The following ERI1 variants were observed in gnomAD, a reference collection of about 807,000 sequenced individuals.
The protein encoded by ERI1 is 3'-5' exoribonuclease 1.
ERI1 carries 39 observed loss-of-function variants against 39.7 expected under a neutral mutation model. The observed-to-expected ratio is 0.98, with a 90% CI of 0.76 to 1.28. ERI1 has a LOEUF of 1.28. Ranked by LOEUF, ERI1 falls within the 50% of genes most tolerant of loss-of-function variation. The pLI is 0.00. For missense variants in ERI1, 581 were observed against 416.9 expected (o/e 1.39, Z -3.43); for synonymous variants, 204 against 149.6 (o/e 1.36, Z -2.65).
At position 9,031,184 on chromosome 8, in the gene ERI1, T is replaced by C. The variant is rs987360904; in HGVS notation, c.*1150T>C. ...CCTGCCTTTTACCTTTTAATAAAAA[T>C]TGTGATGCTACTTTATTCTAAAGAT... On this transcript the variant is annotated 3_prime_UTR_variant, in exon 7 of 7. Transcript: ENST00000250263. 6.6e-6 allele frequency: 1 copy of C among 152,202 alleles called. No homozygotes were observed. The highest frequency in any genetic ancestry group is 1.5e-5 in the Non-Finnish European group (1 of 68,032). 9.4% of individuals were successfully genotyped at this position (152,202 alleles called of 1,614,324 possible).
chr8:9,006,077 A>T (rs932354281), intron 1 of ERI1, among the ~76,000 whole-genome samples: 1 of 152,228 alleles, frequency 6.6e-6, no homozygotes, highest in African/African-American at 2.4e-5. Flanking sequence ...GCTGATGCAA[A>T]TGTAAGTATG....
intron 3 of ERI1, among the ~76,000 whole-genome samples, chr8:9,091,859 A>G (rs902243558): frequency 3.3e-5 from 5 of 152,214 alleles, no homozygotes; most frequent in African/African-American, 1.2e-4. Flanking sequence ...AGAGACAGAC[A>G]TTCCTAAATG....
rs570543239 is a variant in ERI1 at position 9,079,701 on chromosome 8, G to A, written n.300-36647G>A. On this transcript the variant is annotated intron_variant and non_coding_transcript_variant, in intron 3 of 3. Coordinates refer to the ERI1 transcript ENST00000518663. ...CAGGTTTGTTTGTTTTTTGAGACAG[G>A]GTCTCACTGTCATCCAGGCTGGAGT... Among the ~76,000 whole-genome samples, 326 of 152,130 alleles carry A rather than the reference G, an allele frequency of 2.1e-3. 1 individual carries two copies. The highest frequency in any genetic ancestry group is 7.4e-3 in the African/African-American group (306 of 41,502).
chr8:9,013,460 G>A (rs28439491), intron 3 of ERI1, among the ~76,000 whole-genome samples: 1 of 151,370 alleles, frequency 6.6e-6, no homozygotes, highest in Non-Finnish European at 1.5e-5. Flanking sequence ...AGTTTTCTTT[G>A]CTGGTTCCTC....
rs181704396 is a variant in ERI1 at position 9,021,815 on chromosome 8, C to T, written c.807+1351C>T. The stretch of plus-strand genomic sequence containing the variant: ...CAATATTATGCTTGAGATCCATCCA[C>T]GTCTTGTATGTCACTGCAGTTCATT... On this transcript the variant is annotated intron_variant, in intron 6 of 6. Transcript: ENST00000250263. Among the ~76,000 whole-genome samples, 28 of 141,756 alleles carry T rather than the reference C, an allele frequency of 2.0e-4. 1 individual carries two copies. Among genetic ancestry groups the T allele is most frequent in the Admixed American group, 1.1e-3 (16 of 14,004 alleles). The allele number at this position is 141,756 out of a possible 152,430, so 93.0% of individuals were successfully genotyped here.
chr8:9,015,270 ATCT>A (rs1411104339), intron 3 of ERI1, among the ~76,000 whole-genome samples: 22 of 152,292 alleles, frequency 1.4e-4, no homozygotes, highest in African/African-American at 5.3e-4. Context: ...TAATTTTTAA[ATCT>A]TCTGCCATGA....
intron 2 of ERI1, 47 bp downstream of exon 2, chr8:9,008,195 T>A (rs1585185437): frequency 7.1e-7 from 1 of 1,401,444 alleles, no homozygotes; most frequent in East Asian, 2.6e-5. Flanking sequence ...ACATGCTCAT[T>A]TTAGAAAATC....
chr8:9,077,537 A>G (rs1238653328), intron 3 of ERI1, among the ~76,000 whole-genome samples: 1 of 152,098 alleles, frequency 6.6e-6, no homozygotes, highest in Admixed American at 6.6e-5. Context: ...GGGCTCCTGG[A>G]GGGTGGTGGT....
Position 9,029,811 on chromosome 8 carries a change from A to C in ERI1, c.827A>C (p.Lys276Thr), listed in dbSNP as rs948971149. The change falls in exon 7 of 7, where the codon AAA becomes ACA. Residue 276 changes from lysine to threonine, a missense_variant. Coordinates refer to ENST00000250263, the MANE Select transcript of ERI1 (RefSeq NM_153332.4). Reference protein sequence around the residue: ...NFYKVPRSQTKLTIMLEKLGM... With the variant: ...NFYKVPRSQTTLTIMLEKLGM... The stretch of plus-strand genomic sequence containing the variant: ...TTTCAGGTTCCTAGAAGCCAAACCA[A>C]ACTGACAATAATGCTTGAAAAATTA... The C allele has an allele frequency of 2.5e-6, 4 of 1,614,072 alleles. No individual in the cohort carries two copies. The African/African-American group carries it at 4.0e-5, about 16-fold the overall frequency.
chr8:9,054,627 C>T (rs77798313), intron 3 of ERI1, among the ~76,000 whole-genome samples: 6,913 of 152,326 alleles, frequency 0.045, 201 homozygotes, highest in East Asian at 0.16. Context: ...GGGACAGCCA[C>T]GTAGAAACGT....
At chr8:9,087,807 G>A (rs568599547) in intron 3 of ERI1, among the ~76,000 whole-genome samples, 12 of 152,274 alleles carry the variant, frequency 7.9e-5, no homozygotes, top group Middle Eastern at 3.4e-3. Context: ...AGAGGGAAAG[G>A]GGCAGATTCA....
Position 9,007,993 on chromosome 8 carries a change from T to C in ERI1, c.132T>C (p.Asp44=). 1 of 1,505,796 alleles carries C rather than the reference T, an allele frequency of 6.6e-7. No homozygotes were observed. The allele number at this position is 1,505,796 out of a possible 1,614,324, so 93.3% of individuals were successfully genotyped here. A position where few individuals can be genotyped will look rare whatever the true frequency, so the allele number is the denominator to read the frequency against. The stretch of plus-strand genomic sequence containing the variant: ...AGGAAACTCAACAGTGTAAATTTGA[T>C]GGCCAGGAGACAAAAGGATCCAAGT... The part of the protein sequence containing the change: ...SPEETQQCKF[D]GQETKGSKFI... The change falls in exon 2 of 7, where the codon GAT becomes GAC. Residue 44 remains aspartate (D), a synonymous_variant. Transcript: ENST00000250263.
At chr8:9,066,216 T>A (rs1798873954) in intron 3 of ERI1, among the ~76,000 whole-genome samples, 1 of 152,254 alleles carries the variant, frequency 6.6e-6, no homozygotes, top group East Asian at 1.9e-4. Flanking sequence ...CAGCCTCATC[T>A]CCCCATTTTC....
intron 6 of ERI1, among the ~76,000 whole-genome samples, chr8:9,029,550 C>A (rs1368554696): frequency 6.6e-6 from 1 of 152,100 alleles, no homozygotes; most frequent in East Asian, 1.9e-4. Flanking sequence ...AGGCTGGTCT[C>A]ATACTCCTGA....
chr8:9,084,522 T>G (rs1169852680), intron 3 of ERI1, among the ~76,000 whole-genome samples: 1 of 152,150 alleles, frequency 6.6e-6, no homozygotes, highest in Non-Finnish European at 1.5e-5. Flanking sequence ...CAGCCTCCCT[T>G]AACTCCACAG....
intron 3 of ERI1, among the ~76,000 whole-genome samples, chr8:9,042,676 T>C (rs548216672): frequency 3.3e-5 from 5 of 152,310 alleles, no homozygotes; most frequent in South Asian, 2.1e-4. Context: ...GGAAGTGTTA[T>C]GCTTTGAGGA....
intron 3 of ERI1, among the ~76,000 whole-genome samples, chr8:9,046,104 T>C (rs935507225): frequency 1.3e-5 from 2 of 152,174 alleles, no homozygotes; most frequent in Non-Finnish European, 2.9e-5. Flanking sequence ...TTCCCACAGG[T>C]AACTGTGATC....
intron 2 of ERI1, among the ~76,000 whole-genome samples, chr8:9,008,683 A>G (rs1055174520): frequency 6.6e-6 from 1 of 152,210 alleles, no homozygotes; most frequent in African/African-American, 2.4e-5. Flanking sequence ...TATTTTAATG[A>G]GATATACACA....
chr8:9,055,628 C>G (rs747544436), intron 3 of ERI1, among the ~76,000 whole-genome samples: 6 of 152,136 alleles, frequency 3.9e-5, no homozygotes, highest in Non-Finnish European at 8.8e-5. Flanking sequence ...CAACCTCTGC[C>G]TCCCTGGTTC....
Sources: allele counts gnomAD v4.1 joint callset (sites outside exome capture counted in the v4.1 genomes callset), GRCh38; gene constraint gnomAD v4.1.1; transcripts MANE v1.5; gene names NCBI Gene and HGNC (gene_info 2026-07-23, HGNC 2026-07-21).